The following UNC5CL variants were observed in gnomAD, a reference collection of about 807,000 sequenced individuals.
UNC5CL encodes the protein unc-5 family C-terminal like.
A neutral mutation model predicts 54.1 loss-of-function variants in UNC5CL; 42 were observed. That is an observed-to-expected ratio of 0.78 (90% CI 0.61 to 1.00). UNC5CL has a LOEUF of 1.00. UNC5CL is among the 50% of genes least tolerant of loss of function. The probability of loss-of-function intolerance (pLI) is 0.00; values close to 1 mark genes in which losing one functional copy is unlikely to be tolerated. For missense variants in UNC5CL, 619 were observed against 675.6 expected, an observed-to-expected ratio of 0.92 and a Z score of 0.93; for synonymous variants, 285 against 285.1, an observed-to-expected ratio of 1.00 and a Z score of 0.00.
In UNC5CL at chr6:41,033,964, C is replaced by A. The variant is rs1200572406; in HGVS notation, c.603G>T (p.Leu201=). Residue 201 remains leucine (L), a synonymous_variant, in exon 3 of 9, where the codon CTG becomes CTT. Coordinates refer to ENST00000244565, the MANE Select transcript of UNC5CL (RefSeq NM_173561.3). ...CCAGGGGCCTCCATACCTTGGCATCCAGCAGGGTAGTGTTGCTGCTGTAGG... is the reference window on the plus strand; with the variant it reads ...CCAGGGGCCTCCATACCTTGGCATCAAGCAGGGTAGTGTTGCTGCTGTAGG... ...ARTYSSNTTL[L]DAKVWRPLGR... 3.7e-6 allele frequency: 6 copies of A among 1,614,162 alleles called. No homozygotes were observed. In the South Asian group the frequency reaches 6.6e-5, roughly 18 times the overall value.
intron 2 of UNC5CL, 65 bp downstream of exon 2, chr6:41,034,625 A>G: frequency 2.6e-6 from 4 of 1,545,008 alleles, no homozygotes; most frequent in Non-Finnish European, 3.5e-6. Flanking sequence ...TTGCTCCCTC[A>G]GATGTGGTGA....
chr6:41,035,651 T>C (rs1762514706), intron 1 of UNC5CL, among the ~76,000 whole-genome samples: 1 of 152,228 alleles, frequency 6.6e-6, no homozygotes, highest in African/African-American at 2.4e-5. Context: ...ATGTCCACTT[T>C]TAATTACATG....
chr6:41,028,346 C>T lies in UNC5CL; in HGVS notation c.*27G>A. 3.2e-6 allele frequency: 5 copies of T among 1,540,004 alleles called. No homozygotes were observed. The South Asian group carries it at 4.8e-5, about 15-fold the overall frequency. On this transcript the variant is annotated 3_prime_UTR_variant, in exon 9 of 9. Transcript: ENST00000244565. This position sits in a 1 kb window ranked among gnomAD's most constrained non-coding sequence, Gnocchi z 4.3. ...GAGAACAACCCCTCTCGCCCCTACA[C>T]CTCCTCCGGCCCTGCCCGCTGGGCG...
chr6:41,032,100 A>G lies in UNC5CL; in HGVS notation c.987T>C (p.Val329=). 1 of 1,614,178 alleles carries G rather than the reference A, an allele frequency of 6.2e-7. No individual in the cohort carries two copies. Among genetic ancestry groups the G allele is most frequent in the South Asian group, 1.1e-5 (1 of 91,086 alleles). Residue 329 remains valine, a synonymous_variant, in exon 5 of 9, where the codon GTT becomes GTC. Transcript: ENST00000244565. ...ENVDDSSCQL[V]PHLHIWHGKC... is the part of the protein sequence containing the mutation. Reference sequence around the variant, plus strand: ...TTCCATGCCAGATGTGGAGATGGGGAACCAGCTGGCAACTGCTGTCATCCA... The same window carrying G: ...TTCCATGCCAGATGTGGAGATGGGGGACCAGCTGGCAACTGCTGTCATCCA...
rs570412864 is a variant in UNC5CL at position 41,032,013 on chromosome 6, TAC to T, written c.1051+21_1051+22del. 6,282 of 1,609,814 alleles carry T rather than the reference TAC, an allele frequency of 3.9e-3. 17 individuals carry two copies. Among genetic ancestry groups the T allele is most frequent in the Non-Finnish European group, 4.9e-3 (5,712 of 1,176,792 alleles). On this transcript the variant is annotated intron_variant, in intron 5 of 8. Coordinates refer to ENST00000244565, the MANE Select transcript of UNC5CL (RefSeq NM_173561.3). Reference sequence around the variant, plus strand: ...GGATGGGAAAAGAGAGGGGAGGAGGTACACACAGGGCTCCCGGACTACCTGCT... The same window carrying T: ...GGATGGGAAAAGAGAGGGGAGGAGGTACACAGGGCTCCCGGACTACCTGCT...
In UNC5CL at chr6:41,030,484, A is replaced by G. The variant is rs200374920; in HGVS notation, c.1238T>C (p.Phe413Ser). 3.0e-4 allele frequency: 485 copies of G among 1,614,164 alleles called. No individual in the cohort carries two copies. In the Middle Eastern group the frequency reaches 3.8e-3, roughly 13 times the overall value. Residue 413 changes from phenylalanine to serine, a missense_variant, in exon 8 of 9, where the codon TTT becomes TCT. Physicochemically the swap from Phe to Ser is radical, Grantham distance 155. Coordinates refer to ENST00000244565, the MANE Select transcript of UNC5CL (RefSeq NM_173561.3). ...CTCCAATAACATCCGCAGCTGCTCA[A>G]AGAGCTCTGGGGGCAGCCTTAGGCA... ...PPCNRLPPEL[F>S]EQLRMLLEPN... is the part of the protein sequence containing the mutation.
chr6:41,034,150 C>G lies in UNC5CL; in HGVS notation c.417G>C (p.Val139=). ...ACAGGTCCCACACCAGGATCAAAGA[C>G]ACCCGCTCCTGGCGGCCCACAGCCA... ...GAVAVGRQER[V]SLILVWDLSD... is the part of the protein sequence containing the mutation. The change falls in exon 3 of 9, where the codon GTG becomes GTC. Residue 139 remains valine (V), a synonymous_variant. Transcript: ENST00000244565. The G allele has an allele frequency of 6.2e-7, 1 of 1,610,714 alleles. No homozygotes were observed. The highest frequency in any genetic ancestry group is 8.5e-7 in the Non-Finnish European group (1 of 1,177,714).
At chr6:41,036,562 G>A (rs934934223) in intron 1 of UNC5CL, among the ~76,000 whole-genome samples, 2 of 152,140 alleles carry the variant, frequency 1.3e-5, no homozygotes, top group African/African-American at 4.8e-5. Flanking sequence ...TATTAAAAGT[G>A]GGGAAAAAGT....
intron 1 of UNC5CL, among the ~76,000 whole-genome samples, chr6:41,035,753 G>A (rs149871587): frequency 6.6e-5 from 10 of 152,312 alleles, no homozygotes; most frequent in Middle Eastern, 3.4e-3. Flanking sequence ...TCCAGGCATC[G>A]CCATGGCAGT....
At position 41,029,969 on chromosome 6, in the gene UNC5CL, T is replaced by C. The variant is rs978933562; in HGVS notation, c.1334+419A>G. 5.1e-4 allele frequency among the ~76,000 whole-genome samples: 77 copies of C among 152,304 alleles called. No individual in the cohort carries two copies. Among genetic ancestry groups the C allele is most frequent in the African/African-American group, 1.8e-3 (76 of 41,526 alleles). ...TCTGGAGCTTAGCTCAGTATTCTCC[T>C]GCTTTCTGAGTTCCTTGACAGGGAT... is the stretch of plus-strand genomic sequence containing the variant. On this transcript the variant is annotated intron_variant, in intron 8 of 8. Coordinates refer to ENST00000244565, the MANE Select transcript of UNC5CL (RefSeq NM_173561.3). The surrounding 1 kb of genome is among the most constrained non-coding windows in gnomAD (Gnocchi z 4.1).
chr6:41,027,283 G>C lies in UNC5CL; in HGVS notation c.*1090C>G, dbSNP rs1762398768. ...ACATAACATTGGTTTAGAGACATATGCCTGAAGGGAAAAGAGGGAGGGTTT... is the reference window on the plus strand; with the variant it reads ...ACATAACATTGGTTTAGAGACATATCCCTGAAGGGAAAAGAGGGAGGGTTT... On this transcript the variant is annotated 3_prime_UTR_variant, in exon 9 of 9. Transcript: ENST00000244565. 6.6e-6 allele frequency: 1 copy of C among 152,160 alleles called. No homozygotes were observed. The highest frequency in any genetic ancestry group is 1.5e-5 in the Non-Finnish European group (1 of 68,038). The allele number at this position is 152,160 out of a possible 1,614,324, so 9.4% of individuals were successfully genotyped here. A position where few individuals can be genotyped will look rare whatever the true frequency, so the allele number is the denominator to read the frequency against.
At chr6:41,037,049 A>G (rs1762532542) in intron 1 of UNC5CL, among the ~76,000 whole-genome samples, 2 of 151,608 alleles carry the variant, frequency 1.3e-5, no homozygotes, top group South Asian at 4.2e-4. Flanking sequence ...CTGTTTCTCC[A>G]CTCACTTGCT....
intron 3 of UNC5CL, among the ~76,000 whole-genome samples, 153 bp from the exon 4 acceptor site, chr6:41,033,299 G>C (rs904078823): frequency 2.6e-5 from 4 of 152,166 alleles, no homozygotes; most frequent in African/African-American, 9.7e-5. Context: ...GGAACTGGTA[G>C]GTTGGGGATG....
chr6:41,039,176 T>TA lies in UNC5CL; in HGVS notation c.-77dup, dbSNP rs1321078797. ...GCTCAACTTACCGTCTAGGAGCTCT[T>TA]AGAGGCTGCTGGCTGGTCCAGTTCC... On this transcript the variant is annotated 5_prime_UTR_variant, in exon 1 of 9. Transcript: ENST00000244565. 4 of 152,218 alleles carry TA rather than the reference T, an allele frequency of 2.6e-5. No individual in the cohort carries two copies. The highest frequency in any genetic ancestry group is 9.7e-5 in the African/African-American group (4 of 41,418). The allele number at this position is 152,218 out of a possible 1,614,324, so 9.4% of individuals were successfully genotyped here.
chr6:41,036,017 C>CA (rs1470920395), intron 1 of UNC5CL, among the ~76,000 whole-genome samples: 1 of 152,044 alleles, frequency 6.6e-6, no homozygotes, highest in Non-Finnish European at 1.5e-5. Context: ...ATGTGAAAAA[C>CA]AAAACTGCAT....
chr6:41,032,848 C>A (rs777118111), intron 4 of UNC5CL, 36 bp downstream of exon 4: 3 of 1,543,756 alleles, frequency 1.9e-6, no homozygotes, highest in East Asian at 2.3e-5. Flanking sequence ...GTGGGGCTCC[C>A]GATCATCCTA....
chr6:41,038,642 ACTC>A (rs1454975230), intron 1 of UNC5CL, among the ~76,000 whole-genome samples: 5 of 151,344 alleles, frequency 3.3e-5, no homozygotes, highest in Non-Finnish European at 5.9e-5. Flanking sequence ...CCATGCCTGG[ACTC>A]CTCATTACCC....
chr6:41,036,664 GC>G (rs1440582476), intron 1 of UNC5CL, among the ~76,000 whole-genome samples: 3 of 151,616 alleles, frequency 2.0e-5, no homozygotes, highest in Non-Finnish European at 4.4e-5. Context: ...GTTTCTTTAT[GC>G]CCCTCCTTCT....
chr6:41,035,955 C>A (rs1762518954), intron 1 of UNC5CL, among the ~76,000 whole-genome samples: 1 of 152,162 alleles, frequency 6.6e-6, no homozygotes, highest in Non-Finnish European at 1.5e-5. Context: ...ACAAAAAAAT[C>A]TATAAGTGGA....
Sources: gnomAD v4.1 joint callset for allele counts (sites outside exome capture counted in the v4.1 genomes callset) on GRCh38, gnomAD v4.1.1 for gene constraint, Gnocchi (gnomAD v3.1) non-coding constraint, MANE v1.5 for transcripts, NCBI Gene and HGNC (gene_info 2026-07-23, HGNC 2026-07-21) for gene names.